NKD1: variants seen among roughly 807,000 people sequenced by gnomAD.
NKD1 encodes the protein protein naked cuticle homolog 1.
A neutral mutation model predicts 56.0 loss-of-function variants in NKD1; 21 were observed. The observed-to-expected ratio is 0.38, with a 90% CI of 0.27 to 0.54. The LOEUF is 0.54. Among genes scored for constraint, NKD1 ranks in the 20% least tolerant of loss-of-function variants. The probability of loss-of-function intolerance (pLI) is 0.82; values close to 1 mark genes in which losing one functional copy is unlikely to be tolerated. For synonymous variants in NKD1, 263 were observed against 265.7 expected, an observed-to-expected ratio of 0.99 and a Z score of 0.10; for missense variants, 578 against 642.7, an observed-to-expected ratio of 0.90 and a Z score of 1.09.
At chr16:50,608,074 C>T (rs1251224561) in intron 3 of NKD1, 1 of 552,910 alleles carries the variant, frequency 1.8e-6, no homozygotes, top group Admixed American at 3.0e-5. Flanking sequence ...GAGCCATAGC[C>T]TGTGGTGGCC....
At chr16:50,589,215 T>C (rs1567342253) in intron 3 of NKD1, among the ~76,000 whole-genome samples, 1 of 152,170 alleles carries the variant, frequency 6.6e-6, no homozygotes, top group Non-Finnish European at 1.5e-5. Flanking sequence ...CCCTGTTCTT[T>C]AGACTAAGTT....
chr16:50,632,372 G>C lies in NKD1; in HGVS notation c.787G>C (p.Ala263Pro), dbSNP rs762030568. Reference protein sequence around the residue: ...IERRNHYLDLAGIENYTSQFG... With the variant: ...IERRNHYLDLPGIENYTSQFG... ...GAGGAGAAACCACTACTTAGATCTCGCCGGGATAGAAAACTACACGTCCCA... is the reference window on the plus strand; with the variant it reads ...GAGGAGAAACCACTACTTAGATCTCCCCGGGATAGAAAACTACACGTCCCA... Residue 263 changes from alanine (A) to proline (P), a missense_variant, in exon 9 of 10, where the codon GCC becomes CCC. By Grantham distance (27) the Ala-to-Pro change is conservative. Coordinates refer to ENST00000268459, the MANE Select transcript of NKD1 (RefSeq NM_033119.5). The surrounding 1 kb of genome is among the most constrained non-coding windows in gnomAD (Gnocchi z 4.1). 5.6e-6 allele frequency: 9 copies of C among 1,613,988 alleles called. No individual in the cohort carries two copies. The East Asian group carries it at 1.8e-4, about 32-fold the overall frequency.
intron 3 of NKD1, among the ~76,000 whole-genome samples, chr16:50,565,337 A>G (rs1567335581): frequency 1.3e-5 from 2 of 149,436 alleles, no homozygotes; most frequent in African/African-American, 2.5e-5. Context: ...GCACCACTGC[A>G]CTCCAGTCTG....
rs1257178129 is a variant in NKD1, at chr16:50,642,715, C to T, written c.*8934C>T. ...AGCTGCAGTTAGGAGAATGTGACCCCAGAAGGCTCATGGGAAAGGAGGTGC... is the reference window on the plus strand; with the variant it reads ...AGCTGCAGTTAGGAGAATGTGACCCTAGAAGGCTCATGGGAAAGGAGGTGC... On this transcript the variant is annotated 3_prime_UTR_variant, in exon 10 of 10. Coordinates refer to ENST00000268459, the MANE Select transcript of NKD1 (RefSeq NM_033119.5). The T allele has an allele frequency of 6.6e-6, 1 of 152,248 alleles. No homozygotes were observed. Among genetic ancestry groups the T allele is most frequent in the Non-Finnish European group, 1.5e-5 (1 of 68,068 alleles). The allele number at this position is 152,248 out of a possible 1,614,324, so 9.4% of individuals were successfully genotyped here.
chr16:50,613,924 A>T (rs1961906234), intron 4 of NKD1, among the ~76,000 whole-genome samples: 1 of 152,170 alleles, frequency 6.6e-6, no homozygotes, highest in Non-Finnish European at 1.5e-5. Flanking sequence ...TGAGGAAAAA[A>T]AGGCCAGAAT....
intron 3 of NKD1, among the ~76,000 whole-genome samples, chr16:50,596,934 A>G (rs1431373635): frequency 1.3e-5 from 2 of 152,180 alleles, no homozygotes; most frequent in African/African-American, 2.4e-5. Context: ...GAATGAGCTG[A>G]ACCTGTTGGA....
chr16:50,577,496 T>C (rs564014286), intron 3 of NKD1, among the ~76,000 whole-genome samples: 1 of 152,296 alleles, frequency 6.6e-6, no homozygotes, highest in African/African-American at 2.4e-5. Context: ...TTATTATTAT[T>C]TGTGTGAAAG....
rs183980302 is a variant in NKD1 at position 50,577,399 on chromosome 16, G to A, written c.192+27844G>A. Among the ~76,000 whole-genome samples the A allele has an allele frequency of 4.6e-3, 698 of 152,178 alleles. 6 individuals carry two copies. In the Middle Eastern group the frequency reaches 0.048, roughly 10 times the overall value. On this transcript the variant is annotated intron_variant, in intron 3 of 9. Coordinates refer to ENST00000268459, the MANE Select transcript of NKD1 (RefSeq NM_033119.5). ...AATATATACAACTTGATGGGTTTGG[G>A]AATAAGCATACACTTATGAAACCAT...
intron 3 of NKD1, among the ~76,000 whole-genome samples, chr16:50,550,861 G>A (rs1301211635): frequency 6.6e-6 from 1 of 152,152 alleles, no homozygotes; most frequent in Non-Finnish European, 1.5e-5. Context: ...CCAACTGAGT[G>A]GATTTCCATT....
intron 3 of NKD1, among the ~76,000 whole-genome samples, chr16:50,597,921 T>C (rs1961508192): frequency 6.6e-6 from 1 of 152,050 alleles, no homozygotes; most frequent in African/African-American, 2.4e-5. Context: ...CATCTGGTGG[T>C]TGGGGATGGT....
intron 3 of NKD1, among the ~76,000 whole-genome samples, chr16:50,599,605 T>C (rs1177615778): frequency 6.6e-6 from 1 of 152,204 alleles, no homozygotes; most frequent in Non-Finnish European, 1.5e-5. Flanking sequence ...GCACACTGAC[T>C]AAGACTGGTT....
rs764051498 is a variant in NKD1, at chr16:50,625,588, C to T, written c.462+8C>T. On this transcript the variant is annotated splice_region_variant and intron_variant, in intron 6 of 9. Transcript: ENST00000268459. ...GGCAAGGTCACCCGAGAGGTGAGTG[C>T]ACCTGCCTGGCCTCTTGCCGTGTAT... 1.3e-6 allele frequency: 2 copies of T among 1,582,506 alleles called. No homozygotes were observed. Among genetic ancestry groups the T allele is most frequent in the Non-Finnish European group, 1.7e-6 (2 of 1,151,434 alleles).
intron 3 of NKD1, chr16:50,607,298 T>G (rs188030120): frequency 1.3e-4 from 29 of 230,486 alleles, no homozygotes; most frequent in African/African-American, 6.5e-4. Context: ...TTTTCTTTTG[T>G]TCATCAAGAA....
At chr16:50,622,386 A>G (rs1326161509) in intron 5 of NKD1, among the ~76,000 whole-genome samples, 5 of 151,240 alleles carry the variant, frequency 3.3e-5, no homozygotes, top group Admixed American at 3.3e-4. Context: ...ACCGCCTGAT[A>G]GTGTAGCACG....
At chr16:50,631,961 C>T (rs1393009656) in intron 8 of NKD1, among the ~76,000 whole-genome samples, 1 of 152,252 alleles carries the variant, frequency 6.6e-6, no homozygotes, top group Admixed American at 6.5e-5. Context: ...TGAAGCCTGG[C>T]ACTGGGGCAT....
intron 3 of NKD1, among the ~76,000 whole-genome samples, chr16:50,571,839 C>G (rs1190131603): frequency 6.6e-6 from 1 of 152,174 alleles, no homozygotes; most frequent in Non-Finnish European, 1.5e-5. Flanking sequence ...TGAATCTCTA[C>G]TGCGGCTTCC....
intron 3 of NKD1, among the ~76,000 whole-genome samples, chr16:50,563,861 C>T (rs1960698810): frequency 6.9e-6 from 1 of 144,348 alleles, no homozygotes; most frequent in African/African-American, 2.6e-5. Flanking sequence ...TGGAGAAGAC[C>T]CTGTGTGTCA....
intron 4 of NKD1, among the ~76,000 whole-genome samples, chr16:50,610,332 C>G (rs1282381226): frequency 6.6e-6 from 1 of 152,210 alleles, no homozygotes; most frequent in Non-Finnish European, 1.5e-5. Flanking sequence ...TGGACCTGTC[C>G]GTGTGGCCCT....
At chr16:50,614,402 A>G (rs991280687) in intron 4 of NKD1, among the ~76,000 whole-genome samples, 1 of 152,046 alleles carries the variant, frequency 6.6e-6, no homozygotes, top group Non-Finnish European at 1.5e-5. Flanking sequence ...ATACTCACAC[A>G]TTCACACACA....
Sources: gnomAD v4.1 joint callset for allele counts (sites outside exome capture counted in the v4.1 genomes callset) on GRCh38, gnomAD v4.1.1 for gene constraint, Gnocchi (gnomAD v3.1) non-coding constraint, MANE v1.5 for transcripts, NCBI Gene and HGNC (gene_info 2026-07-23, HGNC 2026-07-21) for gene names.